Variants in PTPRQ observed in about 807,000 individuals in gnomAD.
PTPRQ encodes the protein protein tyrosine phosphatase receptor type Q.
Under a neutral mutation model 246.0 loss-of-function variants are expected in PTPRQ, and 199 were observed. The observed-to-expected ratio is 0.81, with a 90% CI of 0.72 to 0.91. PTPRQ has a LOEUF of 0.91. Ranked by LOEUF, PTPRQ falls within the 40% of genes least tolerant of loss-of-function variation. The probability of loss-of-function intolerance (pLI) is 0.00; values close to 1 mark genes in which losing one functional copy is unlikely to be tolerated. For missense variants in PTPRQ, 2,624 were observed against 2,528.4 expected (o/e 1.04, Z -0.81); for synonymous variants, 869 against 853.2 (o/e 1.02, Z -0.32).
At position 80,679,738 on chromosome 12, in the gene PTPRQ, C is replaced by T. The variant is rs1901256690; in HGVS notation, c.*715C>T. ...ATTCTAGCAAACCTACATTTGTAAA[C>T]TTTAAAACACAAGTTTTACCCCCTG... On this transcript the variant is annotated 3_prime_UTR_variant, in exon 45 of 45. Transcript: ENST00000644991. The T allele has an allele frequency of 2.0e-5, 3 of 151,924 alleles. No individual in the cohort carries two copies. The South Asian group carries it at 6.2e-4, about 32-fold the overall frequency. The allele number at this position is 151,924 out of a possible 1,614,324, so 9.4% of individuals were successfully genotyped here.
At position 80,523,143 on chromosome 12, in the gene PTPRQ, A is replaced by T. The variant is rs1241859228; in HGVS notation, c.2679-10872A>T. On this transcript the variant is annotated intron_variant, in intron 17 of 44. Coordinates refer to ENST00000644991, the MANE Select transcript of PTPRQ (RefSeq NM_001145026.2). Reference sequence around the variant, plus strand: ...CCATTTCTTCTAGATTTTCTGGTTTATTTGCATAGAGGTGTTTATAGTGTT... The same window carrying T: ...CCATTTCTTCTAGATTTTCTGGTTTTTTTGCATAGAGGTGTTTATAGTGTT... Among the ~76,000 whole-genome samples the T allele has an allele frequency of 3.9e-5, 6 of 152,148 alleles. No individual in the cohort carries two copies. The East Asian group carries it at 1.2e-3, about 29-fold the overall frequency.
In PTPRQ at chr12:80,644,497, T is replaced by G. The variant is rs77941644; in HGVS notation, c.5916-4400T>G. Reference sequence around the variant, plus strand: ...TTTTTTTAAGTTTTTAAAATGTTAATAAAAAGTTTTCTATTTGAGTATGTT... The same window carrying G: ...TTTTTTTAAGTTTTTAAAATGTTAAGAAAAAGTTTTCTATTTGAGTATGTT... On this transcript the variant is annotated intron_variant, in intron 35 of 44. Transcript: ENST00000644991. Among the ~76,000 whole-genome samples, 1,202 of 152,164 alleles carry G rather than the reference T, an allele frequency of 7.9e-3. 15 individuals carry two copies. The highest frequency in any genetic ancestry group is 0.027 in the African/African-American group (1,122 of 41,538).
chr12:80,470,766 A>G (rs1244224897), intron 7 of PTPRQ, among the ~76,000 whole-genome samples: 1 of 152,182 alleles, frequency 6.6e-6, no homozygotes, highest in African/African-American at 2.4e-5. Context: ...GATTAAATCA[A>G]TGGATTGTTG....
At chr12:80,444,971 G>A (rs1892509193) in intron 2 of PTPRQ, 122 bp downstream of exon 2, 1 of 1,166,868 alleles carries the variant, frequency 8.6e-7, no homozygotes. Flanking sequence ...GTAGAATAAG[G>A]CAAAATGGAA....
intron 24 of PTPRQ, 90 bp from the exon 25 acceptor site, chr12:80,549,375 C>A: frequency 2.2e-6 from 3 of 1,386,858 alleles, no homozygotes; most frequent in African/African-American, 1.5e-5. Context: ...TAGTTCTAAA[C>A]ACAGATGTAT....
chr12:80,610,464 C>T lies in PTPRQ; in HGVS notation c.4757C>T (p.Ser1586Phe). The change falls in exon 28 of 45, where the codon TCC becomes TTC. Residue 1586 changes from serine (S) to phenylalanine (F), a missense_variant. Coordinates refer to ENST00000644991, the MANE Select transcript of PTPRQ (RefSeq NM_001145026.2). Reference sequence around the variant, plus strand: ...GTAGATAATGATGAATTTAATATATCCTTCATCAAGTCAAATGAAGAAAAT... The same window carrying T: ...GTAGATAATGATGAATTTAATATATTCTTCATCAAGTCAAATGAAGAAAAT... Reference protein sequence around the residue: ...KSVDNDEFNISFIKSNEENKT... With the variant: ...KSVDNDEFNIFFIKSNEENKT... 1.3e-6 allele frequency: 2 copies of T among 1,489,136 alleles called. No individual in the cohort carries two copies. The highest frequency in any genetic ancestry group is 2.6e-5 in the South Asian group (2 of 77,968). 92.2% of individuals were successfully genotyped at this position (1,489,136 alleles called of 1,614,324 possible).
At chr12:80,543,360 A>G (rs543670331) in intron 23 of PTPRQ, among the ~76,000 whole-genome samples, 6 of 151,426 alleles carry the variant, frequency 4.0e-5, no homozygotes, top group African/African-American at 1.5e-4. Flanking sequence ...TTTCAAGAGT[A>G]ATTCATTTGC....
In PTPRQ at chr12:80,605,050, T is replaced by C. The variant is rs772574561; in HGVS notation, c.4610-9T>C. On this transcript the variant is annotated splice_polypyrimidine_tract_variant and intron_variant, in intron 26 of 44. Coordinates refer to ENST00000644991, the MANE Select transcript of PTPRQ (RefSeq NM_001145026.2). Reference sequence around the variant, plus strand: ...ATGTAGCTAGATAATTAATTTTCTATTGTCATAGCTCCAGATGGTCCTCCT... The same window carrying C: ...ATGTAGCTAGATAATTAATTTTCTACTGTCATAGCTCCAGATGGTCCTCCT... 2 of 1,534,296 alleles carry C rather than the reference T, an allele frequency of 1.3e-6. No individual in the cohort carries two copies. The highest frequency in any genetic ancestry group is 1.8e-6 in the Non-Finnish European group (2 of 1,138,066).
chr12:80,552,187 A>G (rs57993442), intron 25 of PTPRQ, among the ~76,000 whole-genome samples: 5,553 of 152,158 alleles, frequency 0.036, 370 homozygotes, highest in African/African-American at 0.13. Context: ...GGACAGGCAA[A>G]CAGTGTCAGA....
chr12:80,658,296 C>G (rs991699116), intron 39 of PTPRQ, among the ~76,000 whole-genome samples: 3 of 152,048 alleles, frequency 2.0e-5, no homozygotes, highest in Non-Finnish European at 4.4e-5. Flanking sequence ...TGTTCAACTT[C>G]AGGCTACACA....
In PTPRQ at chr12:80,539,805, CTT is replaced by C. The variant is rs1205375016; in HGVS notation, c.3017_3018del (p.Phe1006Ter). On this transcript the variant is annotated frameshift_variant, in exon 20 of 45. Coordinates refer to ENST00000644991, the MANE Select transcript of PTPRQ (RefSeq NM_001145026.2). LOFTEE classifies it high-confidence loss of function. ...NFTLHEVTNDFDNMTVSTIID... is the reference protein window; with the variant it reads ...NFTLHEVTNDXDNMTVSTIID... ...TTACACTCCATGAAGTAACCAATGA[CTT>C]TGACAATATGACTGTATCCACAATT... 1 of 1,546,860 alleles carries C rather than the reference CTT, an allele frequency of 6.5e-7. No homozygotes were observed. Among genetic ancestry groups the C allele is most frequent in the South Asian group, 1.2e-5 (1 of 83,074 alleles).
chr12:80,493,752 A>T (rs1290247141), intron 10 of PTPRQ, among the ~76,000 whole-genome samples: 1 of 152,000 alleles, frequency 6.6e-6, no homozygotes, highest in Non-Finnish European at 1.5e-5. Context: ...ATGGGAAGGG[A>T]TTAACATATC....
chr12:80,483,726 C>T (rs547082830), intron 8 of PTPRQ, among the ~76,000 whole-genome samples: 39 of 151,758 alleles, frequency 2.6e-4, no homozygotes, highest in Non-Finnish European at 4.4e-4. Context: ...TAATGCTATC[C>T]CTCCCCTAGC....
intron 39 of PTPRQ, among the ~76,000 whole-genome samples, chr12:80,661,011 C>T (rs932472581): frequency 9.2e-5 from 14 of 151,652 alleles, no homozygotes; most frequent in African/African-American, 2.2e-4. Context: ...CTTAGTACCA[C>T]GTAAGGATGG....
intron 25 of PTPRQ, among the ~76,000 whole-genome samples, chr12:80,567,935 G>T (rs142108319): frequency 1.3e-5 from 2 of 152,110 alleles, no homozygotes; most frequent in East Asian, 3.8e-4. Context: ...GCCCTGCGAG[G>T]TGACATAAAA....
intron 40 of PTPRQ, 82 bp from the exon 41 acceptor site, chr12:80,669,257 T>C (rs1900888406): frequency 6.5e-7 from 1 of 1,528,134 alleles, no homozygotes; most frequent in East Asian, 2.5e-5. Flanking sequence ...AAAGTAATTT[T>C]AACTTAGTCG....
intron 3 of PTPRQ, among the ~76,000 whole-genome samples, chr12:80,456,963 G>T (rs1227069665): frequency 6.6e-6 from 1 of 152,066 alleles, no homozygotes; most frequent in African/African-American, 2.4e-5. Context: ...GTTAAGCCAA[G>T]GTTATGATTC....
At chr12:80,543,431 C>G (rs1313645466) in intron 23 of PTPRQ, among the ~76,000 whole-genome samples, 2 of 151,930 alleles carry the variant, frequency 1.3e-5, no homozygotes, top group Non-Finnish European at 2.9e-5. Flanking sequence ...AAAATATCCA[C>G]AGAACTGATG....
chr12:80,448,344 T>C (rs1192355848), intron 3 of PTPRQ, among the ~76,000 whole-genome samples: 2 of 152,128 alleles, frequency 1.3e-5, no homozygotes, highest in Admixed American at 1.3e-4. Context: ...TGAACAAAGA[T>C]AGTATGCTTC....
Sources: allele counts gnomAD v4.1 joint callset (sites outside exome capture counted in the v4.1 genomes callset), GRCh38; gene constraint gnomAD v4.1.1; transcripts MANE v1.5; gene names NCBI Gene and HGNC (gene_info 2026-07-23, HGNC 2026-07-21).